Variants in RNF149 observed in about 807,000 individuals in gnomAD.
The protein encoded by RNF149 is ring finger protein 149.
RNF149 carries 21 observed loss-of-function variants against 39.0 expected under a neutral mutation model. The observed-to-expected ratio is 0.54, with a 90% CI of 0.38 to 0.77. The LOEUF (loss-of-function observed/expected upper bound fraction) is 0.77, where lower values mean the gene tolerates loss of function less well. Among genes scored for constraint, RNF149 ranks in the 30% least tolerant of loss-of-function variants. The probability of loss-of-function intolerance (pLI) is 0.00; values close to 1 mark genes in which losing one functional copy is unlikely to be tolerated. For synonymous variants in RNF149, 209 were observed against 213.6 expected (o/e 0.98, Z 0.19); for missense variants, 493 against 534.9 (o/e 0.92, Z 0.77).
chr2:101,308,694 G>A lies in RNF149; in HGVS notation c.-106C>T, dbSNP rs932753246. On this transcript the variant is annotated 5_prime_UTR_variant, in exon 1 of 7. Transcript: ENST00000295317. ...CCCACCGCCGCCCTGGAAGACTGAG[G>A]CGGGGTCGGGGCCGCTGCGCACGCG... 5.5e-6 allele frequency: 6 copies of A among 1,095,854 alleles called. No homozygotes were observed. Among genetic ancestry groups the A allele is most frequent in the African/African-American group, 5.1e-5 (3 of 59,052 alleles). 67.9% of individuals were successfully genotyped at this position (1,095,854 alleles called of 1,614,324 possible). A position where few individuals can be genotyped will look rare whatever the true frequency, so the allele number is the denominator to read the frequency against.
At chr2:101,292,936 C>T (rs190935994) in intron 3 of RNF149, among the ~76,000 whole-genome samples, 3 of 150,832 alleles carry the variant, frequency 2.0e-5, no homozygotes, top group Non-Finnish European at 4.4e-5. Context: ...GAGTGATCTG[C>T]AAATCAGACA....
At chr2:101,284,586 A>G (rs1415052942) in intron 5 of RNF149, among the ~76,000 whole-genome samples, 1 of 152,094 alleles carries the variant, frequency 6.6e-6, no homozygotes, top group Non-Finnish European at 1.5e-5. Context: ...CTCAAAAAAA[A>G]CCAAACAAAT....
chr2:101,281,541 G>GCT (rs993326154), intron 6 of RNF149: 2 of 223,246 alleles, frequency 9.0e-6, no homozygotes, highest in African/African-American at 4.8e-5. Context: ...TGTCACCCAG[G>GCT]CTCAGGCTGG....
intron 1 of RNF149, among the ~76,000 whole-genome samples, chr2:101,304,292 G>A (rs1683575747): frequency 6.6e-6 from 1 of 152,148 alleles, no homozygotes; most frequent in African/African-American, 2.4e-5. Flanking sequence ...AGCTACCTGG[G>A]AGGCTGAGGT....
At position 101,295,099 on chromosome 2, in the gene RNF149, T is replaced by A. The variant is rs1472806346; in HGVS notation, c.543A>T (p.Val181=). The change falls in exon 2 of 7, where the codon GTA becomes GTT. Residue 181 remains valine, a synonymous_variant. Coordinates refer to ENST00000295317, the MANE Select transcript of RNF149 (RefSeq NM_173647.4). The stretch of plus-strand genomic sequence containing the variant: ...GGGTGCCAACCCCTATGGTCATCGT[T>A]ACTGGAATTCCTTTTTGCACCAGCT... The part of the protein sequence containing the change: ...ILELVQKGIP[V]TMTIGVGTRH... 1.9e-6 allele frequency: 3 copies of A among 1,614,212 alleles called. No homozygotes were observed. The highest frequency in any genetic ancestry group is 2.5e-6 in the Non-Finnish European group (3 of 1,180,026).
At chr2:101,300,701 T>A (rs1683420291) in intron 1 of RNF149, among the ~76,000 whole-genome samples, 2 of 152,158 alleles carry the variant, frequency 1.3e-5, no homozygotes, top group Non-Finnish European at 2.9e-5. Flanking sequence ...CATTTTGCTA[T>A]ATTATAATCA....
In RNF149 at chr2:101,308,469, G is replaced by C; in HGVS notation, c.120C>G (p.Ala40=). ...ARGRALEWFS[A]VVNIEYVDPQ... The stretch of plus-strand genomic sequence containing the variant: ...GGTCCACGTACTCGATGTTTACCAC[G>C]GCCGAGAACCACTCGAGAGCCCGGC... Residue 40 remains alanine (A), a synonymous_variant, in exon 1 of 7, where the codon GCC becomes GCG. Transcript: ENST00000295317. 2 of 1,611,390 alleles carry C rather than the reference G, an allele frequency of 1.2e-6. No homozygotes were observed. The highest frequency in any genetic ancestry group is 1.1e-5 in the South Asian group (1 of 90,964).
Position 101,286,192 on chromosome 2 carries a change from T to C in RNF149, c.864-15A>G, listed in dbSNP as rs1032739789. On this transcript the variant is annotated splice_polypyrimidine_tract_variant and intron_variant, in intron 4 of 6. Coordinates refer to ENST00000295317, the MANE Select transcript of RNF149 (RefSeq NM_173647.4). ...GAAAAATATGCCTAAAAAGATTAAGTATGTGTTAATGTTTTTAAAATCAAT... is the reference window on the plus strand; with the variant it reads ...GAAAAATATGCCTAAAAAGATTAAGCATGTGTTAATGTTTTTAAAATCAAT... 2.1e-6 allele frequency: 3 copies of C among 1,416,624 alleles called. No homozygotes were observed. The highest frequency in any genetic ancestry group is 1.4e-5 in the African/African-American group (1 of 70,886). The allele number at this position is 1,416,624 out of a possible 1,614,324, so 87.8% of individuals were successfully genotyped here. A position where few individuals can be genotyped will look rare whatever the true frequency, so the allele number is the denominator to read the frequency against.
chr2:101,296,441 T>C (rs554203507), intron 1 of RNF149, among the ~76,000 whole-genome samples: 2 of 152,258 alleles, frequency 1.3e-5, no homozygotes, highest in South Asian at 4.1e-4. Context: ...AGAACAATGT[T>C]TTAAACAGTG....
At chr2:101,287,888 G>C (rs1429965484) in intron 4 of RNF149, among the ~76,000 whole-genome samples, 2 of 152,196 alleles carry the variant, frequency 1.3e-5, no homozygotes, top group Admixed American at 1.3e-4. Flanking sequence ...CTTGCTTCTA[G>C]TAGGTGTGAA....
intron 1 of RNF149, 183 bp downstream of exon 1, chr2:101,307,946 C>G (rs2104446914): frequency 1.0e-6 from 1 of 985,474 alleles, no homozygotes; most frequent in African/African-American, 1.7e-5. Context: ...ACTTACCTCC[C>G]TCCCAACAGC....
At chr2:101,275,109 C>CT (rs1323054424), downstream of RNF149, among the ~76,000 whole-genome samples, 76 of 82,208 alleles carry the variant, frequency 9.2e-4, no homozygotes, top group Middle Eastern at 8.2e-3. Flanking sequence ...CCTAGTATTT[C>CT]TGTTTTTTTT....
At chr2:101,294,113 G>T in intron 2 of RNF149, 31 bp from the exon 3 acceptor site, 2 of 1,196,404 alleles carry the variant, frequency 1.7e-6, no homozygotes, top group South Asian at 1.3e-5. Context: ...TACAGTTATT[G>T]AAAAATTTAA....
intron 1 of RNF149, among the ~76,000 whole-genome samples, chr2:101,295,704 T>G (rs969758263): frequency 1.9e-4 from 28 of 148,950 alleles, no homozygotes; most frequent in Admixed American, 1.0e-3. Flanking sequence ...GCTAGAGCAC[T>G]GTTCAGTTTC....
In RNF149 at chr2:101,277,188, C is replaced by A. The variant is rs368685787; in HGVS notation, c.*50G>T. ...GCTAAAGTAAAAAAAATAAAATGTC[C>A]TTTAGTTCAAGCCAAACTTCTGTTG... On this transcript the variant is annotated 3_prime_UTR_variant, in exon 7 of 7. Coordinates refer to ENST00000295317, the MANE Select transcript of RNF149 (RefSeq NM_173647.4). The A allele has an allele frequency of 6.2e-7, 1 of 1,606,732 alleles. No homozygotes were observed. The highest frequency in any genetic ancestry group is 1.3e-5 in the African/African-American group (1 of 74,626).
At chr2:101,289,707 C>G (rs111710794) in intron 3 of RNF149, among the ~76,000 whole-genome samples, 4 of 68,804 alleles carry the variant, frequency 5.8e-5, no homozygotes, top group African/African-American at 2.1e-4. Context: ...GACTCTGTCT[C>G]AAAAAAAAAA....
In RNF149 at chr2:101,295,178, G is replaced by A. The variant is rs371198782; in HGVS notation, c.464C>T (p.Thr155Ile). ...AATCATAATGACCACTATATTTCCT[G>A]TTCCTGTAGGAAAGAACAAAGAAAT... Reference protein sequence around the residue: ...NITLPMSHAGTGNIVVIMISY... With the variant: ...NITLPMSHAGIGNIVVIMISY... Residue 155 changes from threonine to isoleucine, a missense_variant, in exon 2 of 7, where the codon ACA becomes ATA. Coordinates refer to ENST00000295317, the MANE Select transcript of RNF149 (RefSeq NM_173647.4). 52 of 1,611,320 alleles carry A rather than the reference G, an allele frequency of 3.2e-5. No individual in the cohort carries two copies. Among genetic ancestry groups the A allele is most frequent in the Non-Finnish European group, 4.2e-5 (50 of 1,177,854 alleles).
At chr2:101,306,920 T>C (rs911444203) in intron 1 of RNF149, among the ~76,000 whole-genome samples, 1 of 152,200 alleles carries the variant, frequency 6.6e-6, no homozygotes, top group Non-Finnish European at 1.5e-5. Context: ...ATGTCTGACT[T>C]AGTAGCAGTG....
chr2:101,307,691 T>C, intron 1 of RNF149: 1 of 312,170 alleles, frequency 3.2e-6, no homozygotes, highest in Non-Finnish European at 4.7e-6. Flanking sequence ...GAAACCAGAG[T>C]GCCAACGAGC....
Sources: gnomAD v4.1 joint callset for allele counts (sites outside exome capture counted in the v4.1 genomes callset) on GRCh38, gnomAD v4.1.1 for gene constraint, MANE v1.5 for transcripts, NCBI Gene and HGNC (gene_info 2026-07-23, HGNC 2026-07-21) for gene names.